The following TRIP10 variants were observed in gnomAD, a reference collection of about 807,000 sequenced individuals.
The protein encoded by TRIP10 is thyroid hormone receptor interactor 10.
TRIP10 carries 54 observed loss-of-function variants against 80.9 expected under a neutral mutation model. That is an observed-to-expected ratio of 0.67 (90% confidence interval 0.54 to 0.84). TRIP10 has a LOEUF of 0.84. TRIP10 is among the 40% of genes least tolerant of loss of function. The probability of loss-of-function intolerance (pLI) is 0.00; values close to 1 mark genes in which losing one functional copy is unlikely to be tolerated. For missense variants in TRIP10, 773 were observed against 815.3 expected, an observed-to-expected ratio of 0.95 and a Z score of 0.63; for synonymous variants, 321 against 307.2, an observed-to-expected ratio of 1.04 and a Z score of -0.47.
chr19:6,739,748 GC>G lies in TRIP10; in HGVS notation c.-13del. On this transcript the variant is annotated 5_prime_UTR_variant, in exon 1 of 15. Transcript: ENST00000313244. Reference sequence around the variant, plus strand: ...GGGTGCGGTGGTGGCTGCGGCGGCGGCGGCGGGAGCAGCATGGATTGGGGCA... The same window carrying G: ...GGGTGCGGTGGTGGCTGCGGCGGCGGGGCGGGAGCAGCATGGATTGGGGCA... 7.2e-7 allele frequency: 1 copy of G among 1,395,968 alleles called. No individual in the cohort carries two copies. Among genetic ancestry groups the G allele is most frequent in the Non-Finnish European group, 9.4e-7 (1 of 1,068,022 alleles). The allele number at this position is 1,395,968 out of a possible 1,614,324, so 86.5% of individuals were successfully genotyped here. A position where few individuals can be genotyped will look rare whatever the true frequency, so the allele number is the denominator to read the frequency against.
In TRIP10 at chr19:6,744,982, C is replaced by T; in HGVS notation, c.972C>T (p.Gly324=). 1 of 1,613,142 alleles carries T rather than the reference C, an allele frequency of 6.2e-7. No individual in the cohort carries two copies. The highest frequency in any genetic ancestry group is 8.5e-7 in the Non-Finnish European group (1 of 1,179,652). The change falls in exon 9 of 15, where the codon GGC becomes GGT. Residue 324 remains glycine (G), a synonymous_variant. Coordinates refer to ENST00000313244, the MANE Select transcript of TRIP10 (RefSeq NM_001288962.2). This position sits in a 1 kb window ranked among gnomAD's most constrained non-coding sequence, Gnocchi z 4.9. ...GCCGCACCAAGCGCTGGCCTTTTGG[C>T]AAGAAGAACAAGGTGGGGGCCGGGA... ...GRSRTKRWPF[G]KKNKPRPPPL...
chr19:6,750,470 C>T (rs775591143), intron 13 of TRIP10, 39 bp downstream of exon 13: 1 of 1,613,738 alleles, frequency 6.2e-7, no homozygotes, highest in Non-Finnish European at 8.5e-7. Flanking sequence ...TCCCAGGGTC[C>T]CAGGAGGGCC....
intron 1 of TRIP10, among the ~76,000 whole-genome samples, chr19:6,740,131 C>T (rs555584539): frequency 1.3e-5 from 2 of 152,324 alleles, no homozygotes; most frequent in South Asian, 2.1e-4. Flanking sequence ...GGTCCCTGCC[C>T]GTCGTCCGCC....
In TRIP10 at chr19:6,751,425, G is replaced by A. The variant is rs1969305298; in HGVS notation, c.*214G>A. On this transcript the variant is annotated 3_prime_UTR_variant, in exon 15 of 15. Transcript: ENST00000313244. ...TTCCACCATTGATGTACATACTCATGTTTTACATCTTTTCTTTCTGCCGCT... is the reference window on the plus strand; with the variant it reads ...TTCCACCATTGATGTACATACTCATATTTTACATCTTTTCTTTCTGCCGCT... The A allele has an allele frequency of 1.6e-5, 19 of 1,158,674 alleles. No homozygotes were observed. Among genetic ancestry groups the A allele is most frequent in the Non-Finnish European group, 2.1e-5 (19 of 899,454 alleles). 71.8% of individuals were successfully genotyped at this position (1,158,674 alleles called of 1,614,324 possible). A position where few individuals can be genotyped will look rare whatever the true frequency, so the allele number is the denominator to read the frequency against.
chr19:6,744,893 C>G lies in TRIP10; in HGVS notation c.883C>G (p.Pro295Ala). ...CTTCAGCCAGCCCATGAACCGTGCACCCTCCGACAGCAGTCTGGGCACCCC... is the reference window on the plus strand; with the variant it reads ...CTTCAGCCAGCCCATGAACCGTGCAGCCTCCGACAGCAGTCTGGGCACCCC... ...EDFSQPMNRA[P>A]SDSSLGTPSD... The change falls in exon 9 of 15, where the codon CCC becomes GCC. Residue 295 changes from proline to alanine, a missense_variant. Pro to Ala is a conservative substitution (Grantham distance 27). Transcript: ENST00000313244. This position sits in a 1 kb window ranked among gnomAD's most constrained non-coding sequence, Gnocchi z 4.9. 1 of 1,614,254 alleles carries G rather than the reference C, an allele frequency of 6.2e-7. No individual in the cohort carries two copies. Among genetic ancestry groups the G allele is most frequent in the Non-Finnish European group, 8.5e-7 (1 of 1,180,050 alleles).
Position 6,745,519 on chromosome 19 carries a change from C to T in TRIP10, c.985-510C>T, listed in dbSNP as rs1207947260. 2.1e-6 allele frequency: 2 copies of T among 972,838 alleles called. No individual in the cohort carries two copies. The highest frequency in any genetic ancestry group is 2.4e-6 in the Non-Finnish European group (2 of 818,656). The allele number at this position is 972,838 out of a possible 1,614,324, so 60.3% of individuals were successfully genotyped here. A position where few individuals can be genotyped will look rare whatever the true frequency, so the allele number is the denominator to read the frequency against. ...TAAACTTCTGATGCCCCTAACCCCT[C>T]TCATTTTCCTGCCTTCCACTCCCTC... is the stretch of plus-strand genomic sequence containing the variant. On this transcript the variant is annotated intron_variant, in intron 9 of 14. Coordinates refer to ENST00000313244, the MANE Select transcript of TRIP10 (RefSeq NM_001288962.2). This position sits in a 1 kb window ranked among gnomAD's most constrained non-coding sequence, Gnocchi z 7.2.
intron 2 of TRIP10, 28 bp from the exon 3 acceptor site, chr19:6,741,197 C>T (rs377455470): frequency 6.9e-5 from 112 of 1,612,824 alleles, no homozygotes; most frequent in Non-Finnish European, 8.6e-5. Context: ...GCTGCGGGCT[C>T]AGCCCTCCTA....
rs1969298303 is a variant in TRIP10 at position 6,751,245 on chromosome 19, G to A, written c.*34G>A. 1.2e-6 allele frequency: 2 copies of A among 1,613,118 alleles called. No homozygotes were observed. The highest frequency in any genetic ancestry group is 2.2e-5 in the South Asian group (2 of 91,014). ...AGAGACGGGAAGAGGGGGGCTGTCG[G>A]CTGCTGCTTCTGGGCCACGGGGAGC... On this transcript the variant is annotated 3_prime_UTR_variant, in exon 15 of 15. Coordinates refer to ENST00000313244, the MANE Select transcript of TRIP10 (RefSeq NM_001288962.2).
At chr19:6,741,345 C>A in intron 3 of TRIP10, 64 bp downstream of exon 3, 1 of 1,544,436 alleles carries the variant, frequency 6.5e-7, no homozygotes, top group East Asian at 2.4e-5. Context: ...GGTCTCACTT[C>A]CCCTCCCTCA....
chr19:6,748,827 G>A (rs2145552088), intron 11 of TRIP10: 1 of 152,220 alleles, frequency 6.6e-6, no homozygotes, highest in African/African-American at 2.4e-5. Context: ...AGGAAGTTGA[G>A]CTCAGATCTG....
rs759578302 is a variant in TRIP10, at chr19:6,744,530, C to T, written c.643-24C>T. 19 of 1,613,588 alleles carry T rather than the reference C, an allele frequency of 1.2e-5. No individual in the cohort carries two copies. The East Asian group carries it at 3.6e-4, about 30-fold the overall frequency. ...TAGTCCCTCTGTTAGCACCCCTGAG[C>T]CACCCTTGTCCCTGTCCTTACAGAA... On this transcript the variant is annotated intron_variant, in intron 7 of 14. Coordinates refer to ENST00000313244, the MANE Select transcript of TRIP10 (RefSeq NM_001288962.2). This position sits in a 1 kb window ranked among gnomAD's most constrained non-coding sequence, Gnocchi z 4.9.
Position 6,745,302 on chromosome 19 carries a change from G to A in TRIP10, c.984+308G>A, listed in dbSNP as rs1969083051. ...TGAGGGCTGGTGACACCATCCCTGG[G>A]GACTCCCCGAGTTTCTCTCTCCATC... On this transcript the variant is annotated intron_variant, in intron 9 of 14. Transcript: ENST00000313244. This position sits in a 1 kb window ranked among gnomAD's most constrained non-coding sequence, Gnocchi z 7.2. 1.5e-5 allele frequency: 6 copies of A among 407,790 alleles called. No homozygotes were observed. The South Asian group carries it at 2.2e-4, about 15-fold the overall frequency. The allele number at this position is 407,790 out of a possible 1,614,324, so 25.3% of individuals were successfully genotyped here.
rs765738586 is a variant in TRIP10, at chr19:6,751,158, G to A, written c.1753G>A (p.Glu585Lys). The change falls in exon 15 of 15, where the codon GAG becomes AAG. Residue 585 changes from glutamate to lysine, a missense_variant. Coordinates refer to ENST00000313244, the MANE Select transcript of TRIP10 (RefSeq NM_001288962.2). ...GDGWTRVRRKEGGEGYVPTSY... is the reference protein window; with the variant it reads ...GDGWTRVRRKKGGEGYVPTSY... ...CGGCTGGACCCGGGTCAGGCGGAAA[G>A]AGGGAGGCGAGGGCTACGTGCCCAC... The A allele has an allele frequency of 6.2e-7, 1 of 1,613,898 alleles. No individual in the cohort carries two copies. Among genetic ancestry groups the A allele is most frequent in the Admixed American group, 1.7e-5 (1 of 59,990 alleles).
rs1213468815 is a variant in TRIP10 at position 6,745,427 on chromosome 19, A to G, written c.984+433A>G. Among the ~76,000 whole-genome samples, 1 of 151,954 alleles carries G rather than the reference A, an allele frequency of 6.6e-6. No individual in the cohort carries two copies. The highest frequency in any genetic ancestry group is 1.5e-5 in the Non-Finnish European group (1 of 67,992). ...CCCTTGGTTTATACCTTTGATTTATACTTTGGGTCCCTCTTCACTTACACT... is the reference window on the plus strand; with the variant it reads ...CCCTTGGTTTATACCTTTGATTTATGCTTTGGGTCCCTCTTCACTTACACT... On this transcript the variant is annotated intron_variant, in intron 9 of 14. Transcript: ENST00000313244. The surrounding 1 kb of genome is among the most constrained non-coding windows in gnomAD (Gnocchi z 7.2).
At chr19:6,740,938 C>T (rs553556106) in intron 1 of TRIP10, 72 bp from the exon 2 acceptor site, 10 of 1,378,838 alleles carry the variant, frequency 7.3e-6, no homozygotes, top group African/African-American at 5.7e-5. Flanking sequence ...GGAGTCTGGT[C>T]GGCGGGCTGT....
intron 1 of TRIP10, 31 bp from the exon 2 acceptor site, chr19:6,740,979 T>A: frequency 6.4e-7 from 1 of 1,574,094 alleles, no homozygotes; most frequent in Non-Finnish European, 8.7e-7. Context: ...CCGGCCCCTC[T>A]CCCCTCCTCC....
At position 6,751,164 on chromosome 19, in the gene TRIP10, G is replaced by C. The variant is rs759943984; in HGVS notation, c.1759G>C (p.Gly587Arg). ...GACCCGGGTCAGGCGGAAAGAGGGA[G>C]GCGAGGGCTACGTGCCCACCTCCTA... ...GWTRVRRKEG[G>R]EGYVPTSYLR... The change falls in exon 15 of 15, where the codon GGC becomes CGC. Residue 587 changes from glycine to arginine, a missense_variant. By Grantham distance (125) the Gly-to-Arg change is moderately radical. Transcript: ENST00000313244. 3 of 1,613,788 alleles carry C rather than the reference G, an allele frequency of 1.9e-6. No homozygotes were observed. The African/African-American group carries it at 4.0e-5, about 22-fold the overall frequency.
chr19:6,750,259 C>A, intron 12 of TRIP10, 33 bp from the exon 13 acceptor site: 1 of 1,612,042 alleles, frequency 6.2e-7, no homozygotes, highest in Non-Finnish European at 8.5e-7. Context: ...CGGAGCTCTG[C>A]CCTGGAACGA....
At chr19:6,742,095 T>TA (rs71177116) in intron 3 of TRIP10, among the ~76,000 whole-genome samples, 129,257 of 148,482 alleles carry the variant, frequency 0.87, 56,230 homozygotes, top group East Asian at 0.91. Context: ...ATTGTAAAAT[T>TA]AAAAAAAAAA....
Sources: allele counts gnomAD v4.1 joint callset (sites outside exome capture counted in the v4.1 genomes callset), GRCh38; gene constraint gnomAD v4.1.1; non-coding constraint Gnocchi (gnomAD v3.1); transcripts MANE v1.5; gene names NCBI Gene and HGNC (gene_info 2026-07-23, HGNC 2026-07-21).